The following CCDC171 variants were observed in gnomAD, a reference collection of about 807,000 sequenced individuals.
CCDC171 encodes coiled-coil domain-containing protein 171.
A neutral mutation model predicts 168.2 loss-of-function variants in CCDC171; 177 were observed. That is an observed-to-expected ratio of 1.05 (90% CI 0.93 to 1.19). The LOEUF (loss-of-function observed/expected upper bound fraction) is 1.19, where lower values mean the gene tolerates loss of function less well. Ranked by LOEUF, CCDC171 falls within the 50% of genes most tolerant of loss-of-function variation. The pLI is 0.00. For synonymous variants in CCDC171, 687 were observed against 540.8 expected, an observed-to-expected ratio of 1.27 and a Z score of -3.75; for missense variants, 1,991 against 1,539.0, an observed-to-expected ratio of 1.29 and a Z score of -4.91.
At chr9:15,689,155 A>C (rs764183531) in intron 10 of CCDC171, among the ~76,000 whole-genome samples, 3 of 152,260 alleles carry the variant, frequency 2.0e-5, no homozygotes, top group Non-Finnish European at 4.4e-5. Context: ...TAATTTGACA[A>C]AAGAAGCATA....
chr9:15,976,910 C>G (rs914771550), downstream of CCDC171, among the ~76,000 whole-genome samples: 17 of 151,972 alleles, frequency 1.1e-4, no homozygotes, highest in African/African-American at 4.1e-4. Flanking sequence ...ATTGAAATGA[C>G]TAAGTGTTAA....
At chr9:15,838,404 A>G (rs540915096) in intron 21 of CCDC171, among the ~76,000 whole-genome samples, 1 of 152,184 alleles carries the variant, frequency 6.6e-6, no homozygotes, top group South Asian at 2.1e-4. Flanking sequence ...TTAGACAGTT[A>G]TAGTTTATAT....
At chr9:15,907,839 G>A (rs963055277) in intron 24 of CCDC171, among the ~76,000 whole-genome samples, 2 of 152,288 alleles carry the variant, frequency 1.3e-5, no homozygotes, top group Non-Finnish European at 2.9e-5. Context: ...CAAAAAGTGG[G>A]CAAAGGATAT....
chr9:15,806,067 T>C (rs2059061551), intron 21 of CCDC171, among the ~76,000 whole-genome samples: 1 of 152,312 alleles, frequency 6.6e-6, no homozygotes, highest in East Asian at 1.9e-4. Context: ...CCTGCTTTGT[T>C]CTGTTTTGCA....
intron 24 of CCDC171, among the ~76,000 whole-genome samples, chr9:15,898,907 C>G (rs1821265607): frequency 6.6e-6 from 1 of 152,112 alleles, no homozygotes; most frequent in African/African-American, 2.4e-5. Context: ...CTACCACAAT[C>G]AAGATACAGA....
intron 7 of CCDC171, among the ~76,000 whole-genome samples, chr9:15,641,994 T>C (rs1043850678): frequency 2.0e-5 from 3 of 152,006 alleles, no homozygotes; most frequent in Admixed American, 1.3e-4. Flanking sequence ...TGAAACCCCA[T>C]CTCTACCAAA....
At chr9:15,770,399 T>C (rs2056952533) in intron 18 of CCDC171, among the ~76,000 whole-genome samples, 1 of 152,212 alleles carries the variant, frequency 6.6e-6, no homozygotes, top group Admixed American at 6.5e-5. Flanking sequence ...AAAATTAGTT[T>C]CCTTTGTAAT....
At chr9:16,058,764 T>A (rs570256396) in intron 1 of CCDC171, among the ~76,000 whole-genome samples, 1 of 152,180 alleles carries the variant, frequency 6.6e-6, no homozygotes, top group Non-Finnish European at 1.5e-5. Context: ...AGAATAGAAT[T>A]CTAATTGTCT....
At chr9:15,887,823 C>T (rs1187574119) in intron 24 of CCDC171, 1 of 151,944 alleles carries the variant, frequency 6.6e-6, no homozygotes, top group Non-Finnish European at 1.5e-5. Context: ...CCAATCAAAT[C>T]CTTCCTTCAA....
chr9:15,765,733 A>G (rs945481948), intron 18 of CCDC171, among the ~76,000 whole-genome samples: 2 of 152,170 alleles, frequency 1.3e-5, no homozygotes, highest in Non-Finnish European at 2.9e-5. Context: ...GTGTCAGGCC[A>G]TAGGAGGTTT....
chr9:15,575,741 T>C (rs987149633), intron 3 of CCDC171, among the ~76,000 whole-genome samples: 1 of 152,372 alleles, frequency 6.6e-6, no homozygotes, highest in Non-Finnish European at 1.5e-5. Flanking sequence ...ATAGTAGTGT[T>C]AGCAGCACTT....
the CCDC171 span, among the ~76,000 whole-genome samples, chr9:16,108,252 C>T: frequency 1.3e-5 from 2 of 152,186 alleles, no homozygotes; most frequent in African/African-American, 4.8e-5. Context: ...TCTGCCCTTC[C>T]AGGCTCAACA....
At chr9:15,918,005 C>T (rs984988608) in intron 24 of CCDC171, among the ~76,000 whole-genome samples, 1 of 151,456 alleles carries the variant, frequency 6.6e-6, no homozygotes, top group African/African-American at 2.4e-5. Context: ...AATAGTTTAC[C>T]ATTTTTAGAG....
chr9:15,983,720 G>A (rs1278112082), intron 3 of CCDC171, among the ~76,000 whole-genome samples: 1 of 151,520 alleles, frequency 6.6e-6, no homozygotes, highest in Non-Finnish European at 1.5e-5. Context: ...TGCTCAATGG[G>A]ATGGATGTGA....
chr9:15,628,064 G>A (rs2045319731), intron 7 of CCDC171, among the ~76,000 whole-genome samples: 1 of 152,106 alleles, frequency 6.6e-6, no homozygotes, highest in African/African-American at 2.4e-5. Flanking sequence ...TGGCCGAATA[G>A]GAACAGCTGC....
At chr9:15,778,643 CAAAAAAAAA>C (rs527592822) in intron 19 of CCDC171, among the ~76,000 whole-genome samples, 1 of 58,770 alleles carries the variant, frequency 1.7e-5, no homozygotes. Context: ...AAGACTGTCT[CAAAAAAAAA>C]AAAAAAAAAA....
chr9:15,789,327 T>G (rs796893882), intron 21 of CCDC171, among the ~76,000 whole-genome samples: 78 of 152,222 alleles, frequency 5.1e-4, no homozygotes, highest in African/African-American at 1.6e-3. Flanking sequence ...TCCTGAGCAT[T>G]TTACATAAGG....
In CCDC171 at chr9:15,970,873, G is replaced by A. The variant is rs149360154; in HGVS notation, c.3754-736G>A. Among the ~76,000 whole-genome samples, 813 of 152,262 alleles carry A rather than the reference G, an allele frequency of 5.3e-3. 9 individuals carry two copies. Among genetic ancestry groups the A allele is most frequent in the African/African-American group, 0.018 (765 of 41,550 alleles). On this transcript the variant is annotated intron_variant, in intron 25 of 25. Transcript: ENST00000380701. ...CACCAGGGACTATGAGAGTGGGAGA[G>A]GGTTGAAGAACTACCAGTCGGGGAC... is the stretch of plus-strand genomic sequence containing the variant.
At chr9:16,042,896 T>G (rs1833595707) in intron 1 of CCDC171, 1 of 152,206 alleles carries the variant, frequency 6.6e-6, no homozygotes, top group Non-Finnish European at 1.5e-5. Context: ...GGTGAGCAAG[T>G]GCACCAAGGA....
Sources: allele counts gnomAD v4.1 joint callset (sites outside exome capture counted in the v4.1 genomes callset), GRCh38; gene constraint gnomAD v4.1.1; transcripts MANE v1.5; gene names NCBI Gene and HGNC (gene_info 2026-07-23, HGNC 2026-07-21).